Variants in KLHL3 observed in about 807,000 individuals in gnomAD.
The protein encoded by KLHL3 is kelch-like protein 3.
KLHL3 carries 19 observed loss-of-function variants against 70.5 expected under a neutral mutation model. That is an observed-to-expected ratio of 0.27 (90% confidence interval 0.19 to 0.40). The LOEUF (loss-of-function observed/expected upper bound fraction) is 0.40, where lower values mean the gene tolerates loss of function less well. Ranked by LOEUF, KLHL3 falls within the 10% of genes least tolerant of loss-of-function variation. The pLI is 1.00. For synonymous variants in KLHL3, 258 were observed against 290.3 expected (o/e 0.89, Z 1.13); for missense variants, 512 against 771.1 (o/e 0.66, Z 3.98).
intron 7 of KLHL3, among the ~76,000 whole-genome samples, chr5:137,660,429 G>A (rs968685111): frequency 1.1e-4 from 16 of 152,196 alleles, no homozygotes; most frequent in Middle Eastern, 3.2e-3. Flanking sequence ...CCACAGGACA[G>A]TGGGAGGTTT....
intron 8 of KLHL3, among the ~76,000 whole-genome samples, chr5:137,650,886 T>TA (rs1561590969): frequency 1.4e-5 from 2 of 141,296 alleles, no homozygotes; most frequent in Admixed American, 7.1e-5. Flanking sequence ...ATTTCAGATT[T>TA]AAAAAAAAGA....
In KLHL3 at chr5:137,631,069, C is replaced by CAA. The variant is rs70979549; in HGVS notation, c.1451-2634_1451-2633dup. 3.3e-3 allele frequency among the ~76,000 whole-genome samples: 351 copies of CAA among 105,718 alleles called. 3 individuals are homozygous for CAA. Among genetic ancestry groups the CAA allele is most frequent in the African/African-American group, 5.4e-3 (149 of 27,704 alleles). 69.4% of individuals were successfully genotyped at this position (105,718 alleles called of 152,430 possible). Reference sequence around the variant, plus strand: ...GATCACAACTCAATCTCCAAAAATACAAAAAAAAAAAAAAAAAAAAAGAGA... The same window carrying CAA: ...GATCACAACTCAATCTCCAAAAATACAAAAAAAAAAAAAAAAAAAAAAAGAGA... On this transcript the variant is annotated intron_variant, in intron 12 of 14. Coordinates refer to ENST00000309755, the MANE Select transcript of KLHL3 (RefSeq NM_017415.3).
intron 3 of KLHL3, among the ~76,000 whole-genome samples, chr5:137,705,404 T>G (rs1752666092): frequency 6.6e-6 from 1 of 152,224 alleles, no homozygotes; most frequent in Non-Finnish European, 1.5e-5. Context: ...ACTCCAAGTC[T>G]AAGCCCCTTG....
chr5:137,680,130 GC>G (rs1484907626), intron 5 of KLHL3, among the ~76,000 whole-genome samples: 1 of 152,204 alleles, frequency 6.6e-6, no homozygotes, highest in East Asian at 1.9e-4. Context: ...ATTCCAGTCA[GC>G]CCTCTCCACA....
chr5:137,708,764 G>A (rs1752732490), intron 3 of KLHL3, among the ~76,000 whole-genome samples: 1 of 152,200 alleles, frequency 6.6e-6, no homozygotes, highest in African/African-American at 2.4e-5. Flanking sequence ...GTGAGAGGGG[G>A]CCTGCCTGAG....
chr5:137,704,201 A>T (rs917707576), intron 3 of KLHL3, among the ~76,000 whole-genome samples: 5 of 152,040 alleles, frequency 3.3e-5, no homozygotes, highest in African/African-American at 4.8e-5. Context: ...CTGGCTAACA[A>T]GGTGAAACCC....
At chr5:137,725,576 A>G (rs576656122) in intron 1 of KLHL3, among the ~76,000 whole-genome samples, 1 of 152,320 alleles carries the variant, frequency 6.6e-6, no homozygotes, top group Admixed American at 6.5e-5. Context: ...TGGGTCAACA[A>G]TTGTAGATGT....
chr5:137,675,047 C>G (rs904457886), intron 6 of KLHL3, among the ~76,000 whole-genome samples: 3 of 152,198 alleles, frequency 2.0e-5, no homozygotes, highest in Non-Finnish European at 4.4e-5. Flanking sequence ...CTCAAAATTA[C>G]ACTGCCAACC....
At chr5:137,632,407 G>C (rs996801433) in intron 12 of KLHL3, among the ~76,000 whole-genome samples, 1 of 151,934 alleles carries the variant, frequency 6.6e-6, no homozygotes, top group Non-Finnish European at 1.5e-5. Context: ...AAAACAATGG[G>C]GAAAAGACTC....
intron 3 of KLHL3, among the ~76,000 whole-genome samples, chr5:137,709,374 T>C (rs1470348113): frequency 1.3e-5 from 2 of 152,184 alleles, no homozygotes; most frequent in African/African-American, 4.8e-5. Flanking sequence ...CTTGGGCAGG[T>C]CTCTTCCCTT....
At chr5:137,622,995 A>G (rs796150594) in intron 14 of KLHL3, among the ~76,000 whole-genome samples, 2 of 152,320 alleles carry the variant, frequency 1.3e-5, no homozygotes, top group African/African-American at 4.8e-5. Flanking sequence ...CAGTGTTGCA[A>G]CGCTGGCTTT....
intron 3 of KLHL3, among the ~76,000 whole-genome samples, chr5:137,700,004 C>G (rs933476923): frequency 1.3e-5 from 2 of 152,194 alleles, no homozygotes; most frequent in Non-Finnish European, 1.5e-5. Flanking sequence ...CATTCCAAAC[C>G]CCGCCTGCTC....
chr5:137,669,668 G>A (rs1452307735), intron 6 of KLHL3, among the ~76,000 whole-genome samples: 2 of 152,222 alleles, frequency 1.3e-5, no homozygotes, highest in Non-Finnish European at 2.9e-5. Context: ...TCCTAACCAT[G>A]AGTGCAGGAT....
intron 2 of KLHL3, among the ~76,000 whole-genome samples, chr5:137,718,339 T>C (rs1458214684): frequency 2.6e-5 from 4 of 151,952 alleles, no homozygotes; most frequent in Non-Finnish European, 5.9e-5. Context: ...AAAAATTATT[T>C]AAAGAAAAGG....
At chr5:137,678,285 G>C (rs1397379916) in intron 5 of KLHL3, among the ~76,000 whole-genome samples, 1 of 152,108 alleles carries the variant, frequency 6.6e-6, no homozygotes, top group Non-Finnish European at 1.5e-5. Context: ...CTATGGAACT[G>C]TTCAAGACAG....
intron 1 of KLHL3, among the ~76,000 whole-genome samples, chr5:137,732,487 G>T (rs1753194523): frequency 6.6e-6 from 1 of 151,114 alleles, no homozygotes. Context: ...GAAAGATTAA[G>T]GTAGATCTTG....
chr5:137,721,019 G>C (rs1752986547), intron 1 of KLHL3: 1 of 230,152 alleles, frequency 4.3e-6, no homozygotes, highest in South Asian at 1.5e-4. Flanking sequence ...ACAAAGCTTA[G>C]AGTTCAGTAG....
At chr5:137,725,045 C>T (rs1034070637) in intron 1 of KLHL3, 1 of 985,036 alleles carries the variant, frequency 1.0e-6, no homozygotes, top group African/African-American at 1.7e-5. Flanking sequence ...TCCCCTAAAC[C>T]TTTTTCCCTC....
At chr5:137,698,529 C>T in intron 3 of KLHL3, 121 bp from the exon 4 acceptor site, 1 of 1,128,202 alleles carries the variant, frequency 8.9e-7, no homozygotes, top group Non-Finnish European at 1.3e-6. Context: ...CAGGAGGCAG[C>T]AGAAGGGATT....
Sources: allele counts gnomAD v4.1 joint callset (sites outside exome capture counted in the v4.1 genomes callset), GRCh38; gene constraint gnomAD v4.1.1; transcripts MANE v1.5; gene names NCBI Gene and HGNC (gene_info 2026-07-23, HGNC 2026-07-21).